The following CSMD1 variants were observed in gnomAD, a reference collection of about 807,000 sequenced individuals.
CSMD1 encodes the protein CUB and sushi domain-containing protein 1.
CSMD1 carries 213 observed loss-of-function variants against 417.5 expected under a neutral mutation model. That is an observed-to-expected ratio of 0.51 (90% CI 0.46 to 0.57). The LOEUF is 0.57. CSMD1 is among the 20% of genes least tolerant of loss of function. The pLI is 0.00. For synonymous variants in CSMD1, 2,862 were observed against 1,736.8 expected (o/e 1.65, Z -16.11); for missense variants, 6,923 against 4,529.7 (o/e 1.53, Z -15.17).
At chr8:4,178,298 T>C (rs1332941180) in intron 3 of CSMD1, among the ~76,000 whole-genome samples, 2 of 151,682 alleles carry the variant, frequency 1.3e-5, no homozygotes, top group Admixed American at 1.3e-4. Flanking sequence ...ATAAATGTAA[T>C]CCAGCATATA....
chr8:4,171,401 T>C (rs970438351), intron 3 of CSMD1, among the ~76,000 whole-genome samples: 2 of 151,930 alleles, frequency 1.3e-5, no homozygotes, highest in Non-Finnish European at 2.9e-5. Flanking sequence ...ATTGTGAATA[T>C]TTGACCCTAT....
At chr8:4,379,781 A>G (rs770054164) in intron 3 of CSMD1, among the ~76,000 whole-genome samples, 1 of 152,194 alleles carries the variant, frequency 6.6e-6, no homozygotes, top group Non-Finnish European at 1.5e-5. Flanking sequence ...TTTAGGTCCA[A>G]GTCCTCCAGT....
intron 5 of CSMD1, among the ~76,000 whole-genome samples, chr8:3,835,889 G>A (rs1006455776): frequency 1.3e-5 from 2 of 151,908 alleles, no homozygotes; most frequent in African/African-American, 4.8e-5. Context: ...TTTCCATGAA[G>A]GCTTTGATAA....
intron 3 of CSMD1, among the ~76,000 whole-genome samples, chr8:4,156,759 A>T (rs1796856800): frequency 6.6e-6 from 1 of 152,162 alleles, no homozygotes; most frequent in African/African-American, 2.4e-5. Flanking sequence ...TTGAACAGGA[A>T]ATCCAGACAG....
intron 12 of CSMD1, among the ~76,000 whole-genome samples, chr8:3,459,050 G>A (rs970226675): frequency 6.6e-6 from 1 of 152,232 alleles, no homozygotes; most frequent in South Asian, 2.1e-4. Context: ...CGGAGAGAAG[G>A]GAAGCGGCAT....
intron 2 of CSMD1, among the ~76,000 whole-genome samples, chr8:4,597,995 T>A (rs911026556): frequency 9.2e-5 from 14 of 151,502 alleles, no homozygotes; most frequent in Middle Eastern, 7.0e-3. Flanking sequence ...TTATATAAAT[T>A]ATATATAAAA....
At chr8:4,426,782 ATAT>A (rs1290366274) in intron 2 of CSMD1, among the ~76,000 whole-genome samples, 3 of 148,290 alleles carry the variant, frequency 2.0e-5, no homozygotes, top group African/African-American at 4.9e-5. Flanking sequence ...AATACAGATG[ATAT>A]TATATAATAT....
At chr8:4,900,604 T>C (rs1804803633) in intron 1 of CSMD1, among the ~76,000 whole-genome samples, 1 of 152,220 alleles carries the variant, frequency 6.6e-6, no homozygotes, top group Non-Finnish European at 1.5e-5. Context: ...CCAGCATCTC[T>C]GGTTCCAGAT....
intron 1 of CSMD1, among the ~76,000 whole-genome samples, chr8:4,860,108 G>A (rs1802037862): frequency 6.6e-6 from 1 of 151,822 alleles, no homozygotes; most frequent in Non-Finnish European, 1.5e-5. Flanking sequence ...CACGTCCTTT[G>A]TAGGGACATG....
chr8:4,256,779 G>T (rs541067530), intron 3 of CSMD1, among the ~76,000 whole-genome samples: 4 of 152,186 alleles, frequency 2.6e-5, no homozygotes, highest in African/African-American at 9.7e-5. Context: ...CAAGCAGCTT[G>T]CAACAGGGCC....
chr8:3,500,456 G>T (rs1054948081), intron 10 of CSMD1, among the ~76,000 whole-genome samples: 1 of 152,256 alleles, frequency 6.6e-6, no homozygotes, highest in South Asian at 2.1e-4. Context: ...AACCACAGAT[G>T]CCACCTAAAA....
intron 2 of CSMD1, among the ~76,000 whole-genome samples, chr8:4,509,884 T>G (rs1802722946): frequency 6.6e-6 from 1 of 152,142 alleles, no homozygotes; most frequent in African/African-American, 2.4e-5. Flanking sequence ...CCAGCTCCTG[T>G]CGCCCTGACA....
chr8:4,143,097 C>G (rs1803889348), intron 3 of CSMD1, among the ~76,000 whole-genome samples: 1 of 149,054 alleles, frequency 6.7e-6, no homozygotes, highest in Admixed American at 6.6e-5. Flanking sequence ...ATATCTTCAT[C>G]TATTAACTTG....
chr8:3,661,094 C>T (rs73661614), intron 7 of CSMD1, among the ~76,000 whole-genome samples: 23,384 of 152,082 alleles, frequency 0.15, 2,300 homozygotes, highest in East Asian at 0.36. Flanking sequence ...AGGATACAGC[C>T]GGGTTCCATC....
chr8:3,611,315 G>A (rs375564547), intron 8 of CSMD1, among the ~76,000 whole-genome samples: 1 of 152,016 alleles, frequency 6.6e-6, no homozygotes, highest in African/African-American at 2.4e-5. Context: ...CATAACACTT[G>A]AATACGTAAT....
intron 10 of CSMD1, among the ~76,000 whole-genome samples, chr8:3,508,488 C>A (rs1478759896): frequency 6.7e-6 from 1 of 148,594 alleles, no homozygotes; most frequent in African/African-American, 2.5e-5. Context: ...CACATGTACC[C>A]TAGAACTTAA....
chr8:3,135,567 C>A (rs992614059), intron 41 of CSMD1, among the ~76,000 whole-genome samples: 30 of 136,584 alleles, frequency 2.2e-4, no homozygotes, highest in African/African-American at 9.1e-4. Context: ...TGAGTGAAGT[C>A]TGCTGATCAC....
At chr8:4,638,365 G>A (rs955261069) in intron 1 of CSMD1, among the ~76,000 whole-genome samples, 35 of 152,262 alleles carry the variant, frequency 2.3e-4, no homozygotes, top group African/African-American at 8.4e-4. Flanking sequence ...GTGATTGATC[G>A]GTGCCTGTGC....
intron 1 of CSMD1, among the ~76,000 whole-genome samples, chr8:4,738,898 T>C (rs564328041): frequency 7.2e-6 from 1 of 138,956 alleles, no homozygotes; most frequent in South Asian, 2.5e-4. Flanking sequence ...TAAAATTCTG[T>C]GTGTTTGTGT....
Sources: gnomAD v4.1 joint callset for allele counts (sites outside exome capture counted in the v4.1 genomes callset) on GRCh38, gnomAD v4.1.1 for gene constraint, MANE v1.5 for transcripts, NCBI Gene and HGNC (gene_info 2026-07-23, HGNC 2026-07-21) for gene names.